The following POFUT3 variants were observed in gnomAD, a reference collection of about 807,000 sequenced individuals.
POFUT3 encodes GDP-fucose protein O-fucosyltransferase 3.
chr8:33,417,199 A>G, the POFUT3 span, among the ~76,000 whole-genome samples: 2 of 152,278 alleles, frequency 1.3e-5, no homozygotes, highest in East Asian at 3.9e-4. Flanking sequence ...CCTTATGAGA[A>G]CCTGACGCCT....
At chr8:33,368,168 G>A in the POFUT3 span, among the ~76,000 whole-genome samples, 1 of 152,156 alleles carries the variant, frequency 6.6e-6, no homozygotes, top group East Asian at 1.9e-4. Flanking sequence ...TAGCAGAGAA[G>A]AAGCCTCAGG....
At chr8:33,347,631 G>A in the POFUT3 span, among the ~76,000 whole-genome samples, 1 of 152,188 alleles carries the variant, frequency 6.6e-6, no homozygotes, top group Non-Finnish European at 1.5e-5. Context: ...AGAATTCAAA[G>A]TCATAAATTC....
the POFUT3 span, among the ~76,000 whole-genome samples, chr8:33,353,653 A>C: frequency 6.6e-6 from 1 of 152,168 alleles, no homozygotes; most frequent in Non-Finnish European, 1.5e-5. Flanking sequence ...TGTGTTGAGC[A>C]ATCACTAGTT....
chr8:33,453,466 A>G, the POFUT3 span: 1 of 1,613,366 alleles, frequency 6.2e-7, no homozygotes, highest in Non-Finnish European at 8.5e-7. Context: ...GCAAACTGGA[A>G]CTTTTAAACT....
At chr8:33,470,236 CAAAAAAAAA>C in the POFUT3 span, among the ~76,000 whole-genome samples, 17 of 89,070 alleles carry the variant, frequency 1.9e-4, no homozygotes, top group African/African-American at 3.2e-4. Context: ...CCCATCTCTA[CAAAAAAAAA>C]AAAAAAAAAA....
At chr8:33,328,791 C>A in the POFUT3 span, among the ~76,000 whole-genome samples, 1 of 152,238 alleles carries the variant, frequency 6.6e-6, no homozygotes, top group Admixed American at 6.5e-5. Context: ...TTAACCAACA[C>A]CCAAATCTGT....
the POFUT3 span, among the ~76,000 whole-genome samples, chr8:33,445,513 G>A: frequency 6.6e-6 from 1 of 152,130 alleles, no homozygotes; most frequent in Non-Finnish European, 1.5e-5. Context: ...AGTACAAGAT[G>A]ACCAGGGGTG....
the POFUT3 span, among the ~76,000 whole-genome samples, chr8:33,465,088 T>G: frequency 5.9e-5 from 9 of 152,156 alleles, no homozygotes. Context: ...TTCTTCATAG[T>G]AAATAATAAA....
At chr8:33,365,712 T>C in the POFUT3 span, among the ~76,000 whole-genome samples, 275 of 152,230 alleles carry the variant, frequency 1.8e-3, 2 homozygotes, top group African/African-American at 6.1e-3. Context: ...TGAGATACCA[T>C]CTCATGCCAG....
the POFUT3 span, among the ~76,000 whole-genome samples, chr8:33,317,735 T>C: frequency 1.3e-5 from 2 of 152,200 alleles, no homozygotes; most frequent in Admixed American, 6.6e-5. Flanking sequence ...AGTGTGGATG[T>C]TGGCCTTACT....
the POFUT3 span, among the ~76,000 whole-genome samples, chr8:33,321,512 TG>T: frequency 6.6e-6 from 1 of 152,052 alleles, no homozygotes; most frequent in Non-Finnish European, 1.5e-5. Context: ...CGCAGCAGGG[TG>T]GTCTCAGGAT....
the POFUT3 span, among the ~76,000 whole-genome samples, chr8:33,399,248 T>G: frequency 1.3e-5 from 2 of 152,244 alleles, no homozygotes; most frequent in Non-Finnish European, 2.9e-5. Context: ...CATTTTCTAT[T>G]CATTTCTGAA....
chr8:33,421,041 G>A, the POFUT3 span, among the ~76,000 whole-genome samples: 3 of 151,464 alleles, frequency 2.0e-5, no homozygotes, highest in Admixed American at 6.6e-5. Flanking sequence ...GAAGAAGAAG[G>A]GACAAGAACT....
the POFUT3 span, among the ~76,000 whole-genome samples, chr8:33,383,527 G>A: frequency 1.2e-3 from 177 of 152,222 alleles, 1 homozygote; most frequent in African/African-American, 3.8e-3. Context: ...GGCCAGGCAC[G>A]GTGGCTCATA....
chr8:33,309,963 C>T, the POFUT3 span, among the ~76,000 whole-genome samples: 1 of 152,260 alleles, frequency 6.6e-6, no homozygotes, highest in African/African-American at 2.4e-5. Flanking sequence ...TTCCAACCCC[C>T]GTGCTGCATA....
chr8:33,389,893 G>T, the POFUT3 span: 3 of 859,176 alleles, frequency 3.5e-6, no homozygotes, highest in African/African-American at 3.4e-5. Flanking sequence ...GGAGTCTGAG[G>T]CTATGAATAA....
the POFUT3 span, among the ~76,000 whole-genome samples, chr8:33,419,775 A>C: frequency 6.6e-6 from 1 of 152,242 alleles, no homozygotes; most frequent in Non-Finnish European, 1.5e-5. Context: ...TTGATACATT[A>C]TGTAATATGT....
At chr8:33,392,211 T>C in the POFUT3 span, among the ~76,000 whole-genome samples, 1 of 152,124 alleles carries the variant, frequency 6.6e-6, no homozygotes, top group Admixed American at 6.5e-5. Context: ...ATGTGTGCAA[T>C]CACGCTAATA....
chr8:33,451,540 G>A, the POFUT3 span, among the ~76,000 whole-genome samples: 1 of 151,960 alleles, frequency 6.6e-6, no homozygotes, highest in South Asian at 2.1e-4. Flanking sequence ...ATATGCATAT[G>A]TATGCATAAA....
Sources: allele counts gnomAD v4.1 joint callset (sites outside exome capture counted in the v4.1 genomes callset), GRCh38; gene constraint gnomAD v4.1.1; transcripts MANE v1.5; gene names NCBI Gene and HGNC (gene_info 2026-07-23, HGNC 2026-07-21).